Variants in ATP5MC2 observed in about 807,000 individuals in gnomAD.
ATP5MC2 encodes the protein ATP synthase membrane subunit c locus 2.
Under a neutral mutation model 13.5 loss-of-function variants are expected in ATP5MC2, and 11 were observed. The observed-to-expected ratio is 0.81, with a 90% CI of 0.51 to 1.35. ATP5MC2 has a LOEUF of 1.35. Ranked by LOEUF, ATP5MC2 falls within the 40% of genes most tolerant of loss-of-function variation. The pLI is 0.00. For missense variants in ATP5MC2, 132 were observed against 175.0 expected (o/e 0.75, Z 1.39); for synonymous variants, 64 against 69.7 (o/e 0.92, Z 0.41).
chr12:53,672,482 C>T, intron 2 of ATP5MC2, 94 bp downstream of exon 2: 1 of 1,340,080 alleles, frequency 7.5e-7, no homozygotes, highest in Non-Finnish European at 1.0e-6. Flanking sequence ...TGGACCTCCT[C>T]TCCCCCAGCC....
chr12:53,678,546 T>C (rs1296695697), upstream of ATP5MC2, among the ~76,000 whole-genome samples: 3 of 152,226 alleles, frequency 2.0e-5, no homozygotes, highest in South Asian at 6.2e-4. Context: ...AAACAAGTTA[T>C]TTTACTTGCT....
chr12:53,666,376 G>A (rs1278316400), intron 4 of ATP5MC2, among the ~76,000 whole-genome samples: 1 of 152,096 alleles, frequency 6.6e-6, no homozygotes, highest in Non-Finnish European at 1.5e-5. Context: ...AGGAAATCGA[G>A]ACCATCCTAG....
At chr12:53,676,417 T>A (rs1156529759), upstream of ATP5MC2, 5 of 580,418 alleles carry the variant, frequency 8.6e-6, no homozygotes, top group Non-Finnish European at 1.5e-5. Context: ...ACAAAACTCC[T>A]ACTCAGAATT....
chr12:53,676,041 C>A lies in ATP5MC2; in HGVS notation c.-32+12G>T, dbSNP rs1025363140. 3 of 1,612,682 alleles carry A rather than the reference C, an allele frequency of 1.9e-6. No individual in the cohort carries two copies. In the African/African-American group the frequency reaches 4.0e-5, roughly 22 times the overall value. On this transcript the variant is annotated intron_variant, in intron 1 of 4. Coordinates refer to ENST00000394349, the MANE Select transcript of ATP5MC2 (RefSeq NM_005176.7). ...CGCAGCGCACAGAGGGCTCTAGGTC[C>A]CAAGGCCTTACCTGCTCCCACTGCA... is the stretch of plus-strand genomic sequence containing the variant.
intron 4 of ATP5MC2, among the ~76,000 whole-genome samples, chr12:53,666,459 C>T (rs1944916257): frequency 6.6e-6 from 1 of 152,022 alleles, no homozygotes; most frequent in South Asian, 2.1e-4. Flanking sequence ...CGCTTGTAGT[C>T]CCAGCTACTC....
In ATP5MC2 at chr12:53,672,657, G is replaced by T. The variant is rs772452422; in HGVS notation, c.-31-12C>A. On this transcript the variant is annotated splice_polypyrimidine_tract_variant and intron_variant, in intron 1 of 4. Transcript: ENST00000394349. ...CTGTGGCAGGAGAGCTGGAATTACA[G>T]AAGCAGTATTGTAAACGCTCCTTAT... 3.8e-6 allele frequency: 6 copies of T among 1,566,634 alleles called. No individual in the cohort carries two copies. Among genetic ancestry groups the T allele is most frequent in the Middle Eastern group, 1.7e-4 (1 of 5,854 alleles).
At chr12:53,668,945 G>T (rs1236934953) in intron 4 of ATP5MC2, among the ~76,000 whole-genome samples, 1 of 152,118 alleles carries the variant, frequency 6.6e-6, no homozygotes, top group East Asian at 1.9e-4. Context: ...CTTGAACCCA[G>T]AGGTAGAGGT....
chr12:53,670,009 C>T (rs751968676), intron 2 of ATP5MC2, 61 bp from the exon 3 acceptor site: 10 of 1,487,214 alleles, frequency 6.7e-6, no homozygotes, highest in Non-Finnish European at 9.4e-6. Context: ...AGTTTCAGAA[C>T]TATGCCACGT....
upstream of ATP5MC2, chr12:53,677,320 C>G (rs867621961): frequency 6.6e-6 from 1 of 152,250 alleles, no homozygotes; most frequent in African/African-American, 2.4e-5. Context: ...GACAGGCACA[C>G]CCCGGCCGGC....
At chr12:53,667,413 G>C (rs554745783) in intron 4 of ATP5MC2, among the ~76,000 whole-genome samples, 1 of 152,282 alleles carries the variant, frequency 6.6e-6, no homozygotes, top group African/African-American at 2.4e-5. Context: ...TCTGTAAAGG[G>C]CCACATTGTA....
At chr12:53,667,956 CATATATATATATATATAT>C (rs772110168) in intron 4 of ATP5MC2, among the ~76,000 whole-genome samples, 1,254 of 67,388 alleles carry the variant, frequency 0.019, 55 homozygotes, top group Non-Finnish European at 0.025. Flanking sequence ...CATACACACA[CATATATATATATATATAT>C]ATATATATAT....
At chr12:53,668,498 T>C (rs1945000250) in intron 4 of ATP5MC2, among the ~76,000 whole-genome samples, 1 of 150,020 alleles carries the variant, frequency 6.7e-6, no homozygotes, top group African/African-American at 2.5e-5. Context: ...AGAGATGGGG[T>C]TTCGCCATGT....
chr12:53,669,953 C>T lies in ATP5MC2; in HGVS notation c.40-5G>A, dbSNP rs1241118036. On this transcript the variant is annotated splice_polypyrimidine_tract_variant and splice_region_variant and intron_variant, in intron 2 of 4. Transcript: ENST00000394349. ...CAGCTGTGAGGTGCTCTTGACCTAG[C>T]AGGAATGACATACAGGGGCAGGAAG... 2 of 1,613,904 alleles carry T rather than the reference C, an allele frequency of 1.2e-6. No homozygotes were observed. Among genetic ancestry groups the T allele is most frequent in the Non-Finnish European group, 1.7e-6 (2 of 1,179,950 alleles).
chr12:53,669,004 C>T (rs907317812), intron 4 of ATP5MC2, 144 bp downstream of exon 4: 15 of 1,173,210 alleles, frequency 1.3e-5, no homozygotes, highest in Admixed American at 3.2e-5. Context: ...GGAAACAGAG[C>T]GTTACTGTCT....
At chr12:53,677,962 C>G (rs1218297389), upstream of ATP5MC2, among the ~76,000 whole-genome samples, 1 of 152,202 alleles carries the variant, frequency 6.6e-6, no homozygotes, top group African/African-American at 2.4e-5. Flanking sequence ...GCCACCACCC[C>G]CAAACGGCTG....
At position 53,669,894 on chromosome 12, in the gene ATP5MC2, G is replaced by A. The variant is rs762053300; in HGVS notation, c.94C>T (p.Arg32Ter). The part of the protein sequence containing the change: ...SRPLSAVVLK[R>*]PEILTDESLS... ...ACCTCATCTGTCAGTATCTCCGGTC[G>A]TTTCAGCACCACTGCAGATAGCGGA... is the stretch of plus-strand genomic sequence containing the variant. The change falls in exon 3 of 5, where the codon CGA becomes TGA. Residue 32 changes from arginine (R) to a stop codon, truncating the protein, a stop_gained. Transcript: ENST00000394349. LOFTEE classifies it high-confidence loss of function. 1.7e-5 allele frequency: 28 copies of A among 1,613,934 alleles called. No individual in the cohort carries two copies. Among genetic ancestry groups the A allele is most frequent in the Non-Finnish European group, 1.9e-5 (23 of 1,179,988 alleles).
chr12:53,671,526 C>G (rs1157263499), intron 2 of ATP5MC2, among the ~76,000 whole-genome samples: 1 of 152,184 alleles, frequency 6.6e-6, no homozygotes, highest in Non-Finnish European at 1.5e-5. Context: ...AGCTTCCTAT[C>G]CAAATTTAAG....
chr12:53,678,358 C>CCACCACCAT (rs1196170466), upstream of ATP5MC2, among the ~76,000 whole-genome samples: 297 of 110,892 alleles, frequency 2.7e-3, no homozygotes, highest in African/African-American at 7.7e-3. Context: ...ACCACCACCA[C>CCACCACCAT]CACCACCATC....
chr12:53,669,152 C>G lies in ATP5MC2; in HGVS notation c.307G>C (p.Ala103Pro). 1 of 1,607,536 alleles carries G rather than the reference C, an allele frequency of 6.2e-7. No homozygotes were observed. The highest frequency in any genetic ancestry group is 8.5e-7 in the Non-Finnish European group (1 of 1,176,868). The change falls in exon 4 of 5, where the codon GCC becomes CCC. Residue 103 changes from alanine (A) to proline (P), a missense_variant. Ala to Pro is a conservative substitution (Grantham distance 27). Coordinates refer to ENST00000394349, the MANE Select transcript of ATP5MC2 (RefSeq NM_005176.7). ...GGAGGGTCCAACTTATCTTACCTGGCATAACCAATGATGAGGCTCCCAAAC... is the reference window on the plus strand; with the variant it reads ...GGAGGGTCCAACTTATCTTACCTGGGATAACCAATGATGAGGCTCCCAAAC... ...TVFGSLIIGY[A>P]RNPSLKQQLF...
Sources: gnomAD v4.1 joint callset for allele counts (sites outside exome capture counted in the v4.1 genomes callset) on GRCh38, gnomAD v4.1.1 for gene constraint, MANE v1.5 for transcripts, NCBI Gene and HGNC (gene_info 2026-07-23, HGNC 2026-07-21) for gene names.